The following HHIP variants were observed in gnomAD, a reference collection of about 807,000 sequenced individuals.
HHIP encodes hedgehog-interacting protein.
HHIP carries 12 observed loss-of-function variants against 74.0 expected under a neutral mutation model. The observed-to-expected ratio is 0.16, with a 90% CI of 0.10 to 0.26. HHIP has a LOEUF of 0.26. Ranked by LOEUF, HHIP falls within the 10% of genes least tolerant of loss-of-function variation. HHIP has a pLI of 1.00. For synonymous variants in HHIP, 309 were observed against 311.6 expected, an observed-to-expected ratio of 0.99 and a Z score of 0.09; for missense variants, 788 against 845.0, an observed-to-expected ratio of 0.93 and a Z score of 0.84.
intron 4 of HHIP, among the ~76,000 whole-genome samples, chr4:144,695,649 T>C (rs1373191935): frequency 6.6e-6 from 1 of 151,890 alleles, no homozygotes; most frequent in African/African-American, 2.4e-5. Flanking sequence ...TCTTTATGTT[T>C]AACTTTAGAG....
chr4:144,744,182 G>GT lies in HHIP; in HGVS notation c.*6226dup, dbSNP rs1387822044. The GT allele has an allele frequency of 6.6e-6, 1 of 152,038 alleles. No individual in the cohort carries two copies. Among genetic ancestry groups the GT allele is most frequent in the Non-Finnish European group, 1.5e-5 (1 of 67,994 alleles). 9.4% of individuals were successfully genotyped at this position (152,038 alleles called of 1,614,324 possible). On this transcript the variant is annotated 3_prime_UTR_variant, in exon 13 of 13. Transcript: ENST00000296575. Reference sequence around the variant, plus strand: ...ACTTGATTCCCCAGGACATGCTACAGTAAACTAAACTATTTATTCAAAAGT... The same window carrying GT: ...ACTTGATTCCCCAGGACATGCTACAGTTAAACTAAACTATTTATTCAAAAGT...
chr4:144,743,932 A>G lies in HHIP; in HGVS notation c.*5975A>G, dbSNP rs1381129822. ...CAAAACCTATGTTTCTTTACTTTAT[A>G]TTCTTAAAATCTGAGACATGATTTT... On this transcript the variant is annotated 3_prime_UTR_variant, in exon 13 of 13. Coordinates refer to ENST00000296575, the MANE Select transcript of HHIP (RefSeq NM_022475.3). The G allele has an allele frequency of 2.0e-5, 3 of 152,140 alleles. No homozygotes were observed. The highest frequency in any genetic ancestry group is 2.9e-5 in the Non-Finnish European group (2 of 67,978). 9.4% of individuals were successfully genotyped at this position (152,140 alleles called of 1,614,324 possible). A position where few individuals can be genotyped will look rare whatever the true frequency, so the allele number is the denominator to read the frequency against.
At chr4:144,706,830 ATG>A in intron 5 of HHIP, 148 bp downstream of exon 5, 1 of 762,890 alleles carries the variant, frequency 1.3e-6, no homozygotes. Flanking sequence ...AAAACTCCAT[ATG>A]TGTCTTTAAG....
chr4:144,653,107 T>G (rs937672763), intron 2 of HHIP, among the ~76,000 whole-genome samples: 3 of 152,142 alleles, frequency 2.0e-5, no homozygotes, highest in African/African-American at 7.2e-5. Context: ...TCCAAACTCC[T>G]CGTTGGTGCC....
rs73854035 is a variant in HHIP, at chr4:144,665,503, A to G, written c.831+5665A>G. 1.2e-3 allele frequency among the ~76,000 whole-genome samples: 188 copies of G among 152,320 alleles called. 1 individual carries two copies. Among genetic ancestry groups the G allele is most frequent in the African/African-American group, 4.4e-3 (181 of 41,570 alleles). Reference sequence around the variant, plus strand: ...GTACTCTGTGAAAAATGTCATTTTCAATTTTCATGTAAGTTTAATCTCATT... The same window carrying G: ...GTACTCTGTGAAAAATGTCATTTTCGATTTTCATGTAAGTTTAATCTCATT... On this transcript the variant is annotated intron_variant, in intron 4 of 12. Coordinates refer to ENST00000296575, the MANE Select transcript of HHIP (RefSeq NM_022475.3).
intron 4 of HHIP, among the ~76,000 whole-genome samples, chr4:144,698,997 A>G (rs573464156): frequency 1.3e-5 from 2 of 152,140 alleles, no homozygotes; most frequent in African/African-American, 2.4e-5. Flanking sequence ...TCTGACACCA[A>G]ATGAGAGGTT....
intron 4 of HHIP, chr4:144,661,278 G>T (rs1163029491): frequency 1.3e-5 from 2 of 152,170 alleles, no homozygotes; most frequent in East Asian, 1.9e-4. Flanking sequence ...ACAGTACCTT[G>T]GTTCTGAGTA....
At chr4:144,737,170 C>T (rs140357651) in intron 12 of HHIP, among the ~76,000 whole-genome samples, 4 of 152,266 alleles carry the variant, frequency 2.6e-5, no homozygotes, top group South Asian at 2.1e-4. Context: ...CTTTGCTGGC[C>T]AACTGCACTG....
At chr4:144,647,142 T>TC in intron 1 of HHIP, 188 bp downstream of exon 1, 1 of 529,706 alleles carries the variant, frequency 1.9e-6, no homozygotes, top group Non-Finnish European at 3.3e-6. Context: ...TAGCATTTCC[T>TC]CCCCCAGAGT....
At chr4:144,734,632 TC>T in intron 11 of HHIP, 108 bp from the exon 12 acceptor site, 1 of 769,948 alleles carries the variant, frequency 1.3e-6, no homozygotes, top group Non-Finnish European at 1.9e-6. Context: ...AAAAAAAAAG[TC>T]TCTCTAGAAA....
intron 4 of HHIP, among the ~76,000 whole-genome samples, chr4:144,704,912 GA>G (rs1485315224): frequency 6.6e-6 from 1 of 152,110 alleles, no homozygotes; most frequent in Non-Finnish European, 1.5e-5. Flanking sequence ...GATTTAAGCA[GA>G]AAAACAGCAC....
intron 4 of HHIP, among the ~76,000 whole-genome samples, chr4:144,682,235 C>T (rs1035919304): frequency 1.3e-5 from 2 of 152,152 alleles, no homozygotes; most frequent in African/African-American, 2.4e-5. Context: ...TGCAGGACAG[C>T]GAAAACTTCT....
At chr4:144,656,733 G>A (rs1728568349) in intron 2 of HHIP, among the ~76,000 whole-genome samples, 1 of 152,082 alleles carries the variant, frequency 6.6e-6, no homozygotes, top group Admixed American at 6.6e-5. Flanking sequence ...TTTGTTGCCT[G>A]ATGGTAAATA....
chr4:144,656,420 G>A (rs570042583), intron 2 of HHIP, among the ~76,000 whole-genome samples: 10 of 152,148 alleles, frequency 6.6e-5, no homozygotes, highest in Non-Finnish European at 8.8e-5. Context: ...TAGATATTCC[G>A]TTTGAAAATG....
At position 144,737,854 on chromosome 4, in the gene HHIP, A is replaced by C. The variant is rs1357610895; in HGVS notation, c.2000A>C (p.Glu667Ala). ...AAAGGATATCTTGGTCCTCAATGTG[A>C]ACAAGTGGACAGAAACATCCGCAGA... ...CKKGYLGPQC[E>A]QVDRNIRRVT... is the part of the protein sequence containing the mutation. Residue 667 changes from glutamate (E) to alanine (A), a missense_variant, in exon 13 of 13, where the codon GAA (glutamate) becomes GCA (alanine). Glu to Ala is a moderately radical substitution (Grantham distance 107, BLOSUM62 -1). Coordinates refer to ENST00000296575, the MANE Select transcript of HHIP (RefSeq NM_022475.3). The C allele has an allele frequency of 6.2e-7, 1 of 1,613,862 alleles. No homozygotes were observed. The highest frequency in any genetic ancestry group is 1.3e-5 in the African/African-American group (1 of 74,928).
At chr4:144,661,742 G>T (rs1178671353) in intron 4 of HHIP, among the ~76,000 whole-genome samples, 1 of 152,064 alleles carries the variant, frequency 6.6e-6, no homozygotes, top group Non-Finnish European at 1.5e-5. Context: ...CATTTTCACA[G>T]CTATTTCTGG....
At chr4:144,663,295 A>C (rs1431270978) in intron 4 of HHIP, among the ~76,000 whole-genome samples, 3 of 151,178 alleles carry the variant, frequency 2.0e-5, no homozygotes, top group Non-Finnish European at 4.4e-5. Context: ...CTCCATTTCA[A>C]AAAAAAAAAC....
chr4:144,700,709 G>C (rs1385307998), intron 4 of HHIP, among the ~76,000 whole-genome samples: 6 of 152,208 alleles, frequency 3.9e-5, no homozygotes, highest in South Asian at 2.1e-4. Flanking sequence ...AAAGAAAATG[G>C]ATTATCTTCT....
Position 144,737,928 on chromosome 4 carries a change from T to C in HHIP, c.2074T>C (p.Leu692=). The C allele has an allele frequency of 6.2e-7, 1 of 1,611,204 alleles. No homozygotes were observed. The highest frequency in any genetic ancestry group is 1.1e-5 in the South Asian group (1 of 90,766). ...LDQIIDMTSY[L]LDLTSYIV ...TCAGATCATTGACATGACATCTTAC[T>C]TGCTGGATCTAACAAGTTACATTGT... is the stretch of plus-strand genomic sequence containing the variant. Residue 692 remains leucine (L), a synonymous_variant, in exon 13 of 13, where the codon TTG becomes CTG. Coordinates refer to ENST00000296575, the MANE Select transcript of HHIP (RefSeq NM_022475.3).
Sources: allele counts gnomAD v4.1 joint callset (sites outside exome capture counted in the v4.1 genomes callset), GRCh38; gene constraint gnomAD v4.1.1; transcripts MANE v1.5; gene names NCBI Gene and HGNC (gene_info 2026-07-23, HGNC 2026-07-21).